The following PCDHGB6 variants were observed in gnomAD, a reference collection of about 807,000 sequenced individuals.
PCDHGB6 encodes protocadherin gamma-B6.
Under a neutral mutation model 59.1 loss-of-function variants are expected in PCDHGB6, and 51 were observed. The observed-to-expected ratio is 0.86, with a 90% confidence interval of 0.69 to 1.09. The LOEUF (loss-of-function observed/expected upper bound fraction) is 1.09, where lower values mean the gene tolerates loss of function less well. Ranked by LOEUF, PCDHGB6 falls within the 50% of genes least tolerant of loss-of-function variation. The pLI, the probability that PCDHGB6 is intolerant of heterozygous loss-of-function variation, is 0.00. For synonymous variants in PCDHGB6, 466 were observed against 495.1 expected (o/e 0.94, Z 0.78); for missense variants, 1,148 against 1,205.1 (o/e 0.95, Z 0.70).
intron 2 of PCDHGB6, among the ~76,000 whole-genome samples, chr5:141,501,838 G>C (rs888418141): frequency 6.6e-6 from 1 of 152,000 alleles, no homozygotes; most frequent in African/African-American, 2.4e-5. Flanking sequence ...CACCTGTTTG[G>C]CCCTCAACCT....
intron 1 of PCDHGB6, among the ~76,000 whole-genome samples, chr5:141,463,721 C>T (rs1012411825): frequency 1.3e-5 from 2 of 152,046 alleles, no homozygotes; most frequent in Non-Finnish European, 2.9e-5. Flanking sequence ...GCTGGGATTA[C>T]AGGCATGAGC....
intron 1 of PCDHGB6, chr5:141,422,627 C>T: frequency 6.2e-7 from 1 of 1,613,350 alleles, no homozygotes; most frequent in Non-Finnish European, 8.5e-7. Flanking sequence ...GAAAACAACC[C>T]CAGGGGTGCC....
intron 1 of PCDHGB6, chr5:141,423,426 GGCAGGTA>G: frequency 1.9e-6 from 3 of 1,614,028 alleles, no homozygotes; most frequent in Non-Finnish European, 2.5e-6. Flanking sequence ...AAGGCGGGTT[GGCAGGTA>G]TGCCCACGTC....
chr5:141,410,075 GAGGTGCGCAC>G lies in PCDHGB6; in HGVS notation c.1874_1883del (p.Glu625GlyfsTer5). The G allele has an allele frequency of 6.2e-7, 1 of 1,612,898 alleles. No homozygotes were observed. Among genetic ancestry groups the G allele is most frequent in the East Asian group, 2.2e-5 (1 of 44,872 alleles). On this transcript the variant is annotated frameshift_variant, in exon 1 of 4. Coordinates refer to ENST00000520790, the MANE Select transcript of PCDHGB6 (RefSeq NM_018926.3). LOFTEE classifies it high-confidence loss of function. Reference sequence around the variant, plus strand: ...CTTCAGCCTGGGGCTGCGCACTGGGGAGGTGCGCACGGCTCGAGCCTTAGGCGACAGGGAC... The same window carrying G: ...CTTCAGCCTGGGGCTGCGCACTGGGGGGCTCGAGCCTTAGGCGACAGGGAC...
rs372043756 is a variant in PCDHGB6 at position 141,476,212 on chromosome 5, C to G, written c.2419-18595C>G. ...GTGCCTTGAACAAGGCTTCCACGGT[C>G]ATTCACTATGAGATCCCGGAGGAAA... On this transcript the variant is annotated intron_variant, in intron 1 of 3. Coordinates refer to ENST00000520790, the MANE Select transcript of PCDHGB6 (RefSeq NM_018926.3). The surrounding 1 kb of genome is among the most constrained non-coding windows in gnomAD (Gnocchi z 7.6). 6 of 1,613,932 alleles carry G rather than the reference C, an allele frequency of 3.7e-6. No individual in the cohort carries two copies. The highest frequency in any genetic ancestry group is 5.1e-6 in the Non-Finnish European group (6 of 1,180,012).
At chr5:141,423,841 T>A (rs1413277726) in intron 1 of PCDHGB6, 15 of 1,282,014 alleles carry the variant, frequency 1.2e-5, no homozygotes, top group Non-Finnish European at 1.4e-5. Context: ...ATTACGATAA[T>A]CTTTCAGAAC....
chr5:141,508,269 C>T (rs1459186158), intron 3 of PCDHGB6: 1 of 152,186 alleles, frequency 6.6e-6, no homozygotes, highest in East Asian at 1.9e-4. Flanking sequence ...GAGAAAATCC[C>T]GGTCCTTGAC....
chr5:141,454,865 TG>T (rs2098805228), intron 1 of PCDHGB6, among the ~76,000 whole-genome samples: 1 of 135,344 alleles, frequency 7.4e-6, no homozygotes, highest in Non-Finnish European at 1.5e-5. Flanking sequence ...TGGAGTGCAG[TG>T]GCACGATCTT....
At chr5:141,418,669 C>T (rs2096278985) in intron 1 of PCDHGB6, 1 of 1,614,018 alleles carries the variant, frequency 6.2e-7, no homozygotes, top group Non-Finnish European at 8.5e-7. Flanking sequence ...CTGACCAGGA[C>T]GAGGGCATCA....
chr5:141,491,293 C>T lies in PCDHGB6; in HGVS notation c.2419-3514C>T. On this transcript the variant is annotated intron_variant, in intron 1 of 3. Transcript: ENST00000520790. This position sits in a 1 kb window ranked among gnomAD's most constrained non-coding sequence, Gnocchi z 6.9. Reference sequence around the variant, plus strand: ...ATCCAGTGACTTCCTCATACACCCTCCTGAGCGTTCAGACCTTACCCTTTA... The same window carrying T: ...ATCCAGTGACTTCCTCATACACCCTTCTGAGCGTTCAGACCTTACCCTTTA... 6.2e-7 allele frequency: 1 copy of T among 1,614,166 alleles called. No homozygotes were observed. The highest frequency in any genetic ancestry group is 1.3e-5 in the African/African-American group (1 of 75,058).
rs113107293 is a variant in PCDHGB6, at chr5:141,432,844, A to G, written c.2418+22224A>G. ...CAGACCTCACTCTGTACCTGGTGGTAGCGGTGGCCGCGGTCTCCTGCGTCT... is the reference window on the plus strand; with the variant it reads ...CAGACCTCACTCTGTACCTGGTGGTGGCGGTGGCCGCGGTCTCCTGCGTCT... On this transcript the variant is annotated intron_variant, in intron 1 of 3. Coordinates refer to ENST00000520790, the MANE Select transcript of PCDHGB6 (RefSeq NM_018926.3). This position sits in a 1 kb window ranked among gnomAD's most constrained non-coding sequence, Gnocchi z 6.0. 0.01 allele frequency: 16,860 copies of G among 1,614,178 alleles called. 121 individuals carry two copies. Among genetic ancestry groups the G allele is most frequent in the Non-Finnish European group, 0.012 (14,441 of 1,180,006 alleles).
intron 1 of PCDHGB6, chr5:141,422,628 C>A: frequency 6.2e-7 from 1 of 1,613,410 alleles, no homozygotes; most frequent in Non-Finnish European, 8.5e-7. Context: ...AAAACAACCC[C>A]AGGGGTGCCT....
intron 2 of PCDHGB6, among the ~76,000 whole-genome samples, chr5:141,499,780 G>A (rs776654854): frequency 1.4e-5 from 2 of 145,766 alleles, no homozygotes; most frequent in Non-Finnish European, 3.0e-5. Flanking sequence ...TTCGCCTCCC[G>A]GGTTCAAGCA....
At position 141,476,090 on chromosome 5, in the gene PCDHGB6, C is replaced by T; in HGVS notation, c.2419-18717C>T. On this transcript the variant is annotated intron_variant, in intron 1 of 3. Coordinates refer to ENST00000520790, the MANE Select transcript of PCDHGB6 (RefSeq NM_018926.3). The surrounding 1 kb of genome is among the most constrained non-coding windows in gnomAD (Gnocchi z 7.6). ...GAAATCTCAGGGACGATCTGGACCC[C>T]GCTGAGAGGAACTGCTTTTGAGTGA... 3 of 1,562,222 alleles carry T rather than the reference C, an allele frequency of 1.9e-6. No individual in the cohort carries two copies. Among genetic ancestry groups the T allele is most frequent in the African/African-American group, 1.4e-5 (1 of 73,764 alleles).
chr5:141,446,594 A>G (rs571957656), intron 1 of PCDHGB6, among the ~76,000 whole-genome samples: 8 of 152,136 alleles, frequency 5.3e-5, no homozygotes, highest in African/African-American at 1.9e-4. Flanking sequence ...CTTCTGCCTC[A>G]GCCTCCTGAG....
At position 141,418,416 on chromosome 5, in the gene PCDHGB6, C is replaced by A. The variant is rs377542164; in HGVS notation, c.2418+7796C>A. On this transcript the variant is annotated intron_variant, in intron 1 of 3. Transcript: ENST00000520790. ...TTCTCATTGGTGGAGAAAGACAATC[C>A]TGATGGTGGCAAATATCCAGAATTA... The A allele has an allele frequency of 3.7e-6, 6 of 1,613,866 alleles. No individual in the cohort carries two copies. The African/African-American group carries it at 8.0e-5, about 22-fold the overall frequency.
chr5:141,429,729 A>G (rs1362403236), intron 1 of PCDHGB6, among the ~76,000 whole-genome samples: 1 of 152,240 alleles, frequency 6.6e-6, no homozygotes, highest in African/African-American at 2.4e-5. Flanking sequence ...GAAAGTACGT[A>G]GCCAGTTATT....
chr5:141,477,087 C>T lies in PCDHGB6; in HGVS notation c.2419-17720C>T, dbSNP rs748424193. ...AAACTCCATGAGATTTACATCCAGG[C>T]CAAAGACAAGGGCGCCAATCCCGAA... On this transcript the variant is annotated intron_variant, in intron 1 of 3. Coordinates refer to ENST00000520790, the MANE Select transcript of PCDHGB6 (RefSeq NM_018926.3). The surrounding 1 kb of genome is among the most constrained non-coding windows in gnomAD (Gnocchi z 4.9). The T allele has an allele frequency of 1.2e-6, 2 of 1,614,244 alleles. No individual in the cohort carries two copies. Among genetic ancestry groups the T allele is most frequent in the Admixed American group, 3.3e-5 (2 of 60,032 alleles).
chr5:141,468,952 G>GA (rs2099186671), intron 1 of PCDHGB6, among the ~76,000 whole-genome samples: 1 of 151,198 alleles, frequency 6.6e-6, no homozygotes. Context: ...TAAACCTGTG[G>GA]TTTTTTTTAC....
Sources: allele counts gnomAD v4.1 joint callset (sites outside exome capture counted in the v4.1 genomes callset), GRCh38; gene constraint gnomAD v4.1.1; non-coding constraint Gnocchi (gnomAD v3.1); transcripts MANE v1.5; gene names NCBI Gene and HGNC (gene_info 2026-07-23, HGNC 2026-07-21).